MAML3: variants seen among roughly 807,000 people sequenced by gnomAD.
The protein encoded by MAML3 is mastermind-like protein 3.
A neutral mutation model predicts 101.9 loss-of-function variants in MAML3; 27 were observed. That is an observed-to-expected ratio of 0.27 (90% CI 0.20 to 0.37). The LOEUF is 0.37. MAML3 is among the 10% of genes least tolerant of loss of function. The pLI is 1.00. For missense variants in MAML3, 1,316 were observed against 1,444.9 expected, an observed-to-expected ratio of 0.91 and a Z score of 1.45; for synonymous variants, 501 against 555.9, an observed-to-expected ratio of 0.90 and a Z score of 1.39.
Position 140,027,247 on chromosome 4 carries a change from C to T in MAML3, c.468+125613G>A, listed in dbSNP as rs190977128. Among the ~76,000 whole-genome samples, 872 of 152,318 alleles carry T rather than the reference C, an allele frequency of 5.7e-3. 4 individuals are homozygous for T. Among genetic ancestry groups the T allele is most frequent in the Non-Finnish European group, 8.7e-3 (593 of 68,028 alleles). On this transcript the variant is annotated intron_variant, in intron 1 of 4. Coordinates refer to ENST00000509479, the MANE Select transcript of MAML3 (RefSeq NM_018717.5). The stretch of plus-strand genomic sequence containing the variant: ...AGTTACTTCTCTGGGATGTTTCTTG[C>T]TCCAGTTGTTTTCCTCATGGTGTAA...
At chr4:139,994,655 G>A (rs1322233306) in intron 1 of MAML3, among the ~76,000 whole-genome samples, 1 of 152,172 alleles carries the variant, frequency 6.6e-6, no homozygotes, top group East Asian at 1.9e-4. Context: ...GAGACACCCA[G>A]TCTCTAAATT....
chr4:139,721,133 A>G (rs922271153), intron 4 of MAML3, among the ~76,000 whole-genome samples: 2 of 152,212 alleles, frequency 1.3e-5, no homozygotes, highest in African/African-American at 4.8e-5. Context: ...ATTCCTTCAA[A>G]TCGGCAACGA....
At chr4:140,034,208 C>A (rs982275026) in intron 1 of MAML3, among the ~76,000 whole-genome samples, 5 of 152,164 alleles carry the variant, frequency 3.3e-5, no homozygotes, top group Non-Finnish European at 7.3e-5. Context: ...TTATAGCTTA[C>A]AAAGTAGCCT....
intron 1 of MAML3, among the ~76,000 whole-genome samples, chr4:140,118,661 A>G (rs1728553941): frequency 6.6e-6 from 1 of 152,312 alleles, no homozygotes; most frequent in South Asian, 2.1e-4. Flanking sequence ...CCTGGGCAAC[A>G]TGGTGAGATC....
chr4:139,792,748 C>CA (rs762115817), intron 2 of MAML3, among the ~76,000 whole-genome samples: 1 of 142,604 alleles, frequency 7.0e-6, no homozygotes, highest in Non-Finnish European at 1.5e-5. Context: ...TTCTTTCTTT[C>CA]TTTTTTTTTT....
intron 1 of MAML3, among the ~76,000 whole-genome samples, chr4:139,946,923 ACACT>A (rs1440307839): frequency 3.9e-3 from 243 of 62,200 alleles, no homozygotes; most frequent in African/African-American, 0.014. Context: ...ACACACACAC[ACACT>A]CTCTCTCTCT....
At chr4:139,766,616 T>C (rs955024564) in intron 2 of MAML3, among the ~76,000 whole-genome samples, 2 of 152,190 alleles carry the variant, frequency 1.3e-5, no homozygotes, top group African/African-American at 4.8e-5. Context: ...CCCAGCTGCT[T>C]TCTCTGGAGT....
intron 1 of MAML3, among the ~76,000 whole-genome samples, chr4:140,052,609 A>G (rs902201783): frequency 6.7e-6 from 1 of 148,230 alleles, no homozygotes; most frequent in African/African-American, 2.5e-5. Context: ...ATCTTGGCTC[A>G]CTATAACCTC....
chr4:139,907,702 G>C (rs972176056), intron 1 of MAML3, among the ~76,000 whole-genome samples: 2 of 152,180 alleles, frequency 1.3e-5, no homozygotes, highest in African/African-American at 4.8e-5. Flanking sequence ...GTAGGCTGTT[G>C]CATGTTTTAA....
rs764275590 is a variant in MAML3 at position 139,720,099 on chromosome 4, T to A, written c.2641A>T (p.Met881Leu). 1.9e-6 allele frequency: 3 copies of A among 1,614,082 alleles called. No individual in the cohort carries two copies. The highest frequency in any genetic ancestry group is 4.5e-5 in the East Asian group (2 of 44,884). ...CCACTTTGGTTTGGATGCTGCAACA[T>A]TTGGGTCATGCCTGTGCTCATATTG... ...MYNMSTGMTQ[M>L]LQHPNQSGMS... The change falls in exon 5 of 5, where the codon ATG (methionine) becomes TTG (leucine). Residue 881 changes from methionine to leucine, a missense_variant. Coordinates refer to ENST00000509479, the MANE Select transcript of MAML3 (RefSeq NM_018717.5).
At chr4:139,780,547 G>C (rs539170049) in intron 2 of MAML3, among the ~76,000 whole-genome samples, 1 of 151,764 alleles carries the variant, frequency 6.6e-6, no homozygotes, top group African/African-American at 2.4e-5. Context: ...TGTTTCTCCT[G>C]AGTAATCCTT....
chr4:139,881,621 T>G (rs1560823018), intron 2 of MAML3, among the ~76,000 whole-genome samples: 1 of 152,190 alleles, frequency 6.6e-6, no homozygotes, highest in Non-Finnish European at 1.5e-5. Context: ...AAAGCTTCTT[T>G]TATGAAAGAA....
rs114107766 is a variant in MAML3, at chr4:140,007,588, T to C, written c.469-116621A>G. 2.5e-3 allele frequency among the ~76,000 whole-genome samples: 385 copies of C among 152,352 alleles called. 3 individuals are homozygous for C. Among genetic ancestry groups the C allele is most frequent in the African/African-American group, 8.7e-3 (362 of 41,582 alleles). On this transcript the variant is annotated intron_variant, in intron 1 of 4. Transcript: ENST00000509479. ...AAAAGGTTTCTGTATCTGTTTCTTT[T>C]ACCTTCTCACCCATTTGGAACAAAA... is the stretch of plus-strand genomic sequence containing the variant.
chr4:139,963,677 G>A (rs1578619323), intron 1 of MAML3, among the ~76,000 whole-genome samples: 1 of 152,124 alleles, frequency 6.6e-6, no homozygotes, highest in Admixed American at 6.5e-5. Flanking sequence ...TGTTCAAAGT[G>A]CCCCAGCCAT....
chr4:140,106,555 T>C (rs1160760472), intron 1 of MAML3, among the ~76,000 whole-genome samples: 1 of 152,216 alleles, frequency 6.6e-6, no homozygotes, highest in Non-Finnish European at 1.5e-5. Context: ...CTTTCTTATT[T>C]AAAAAAATCA....
chr4:139,993,951 A>G (rs1734753483), intron 1 of MAML3, among the ~76,000 whole-genome samples: 1 of 152,188 alleles, frequency 6.6e-6, no homozygotes, highest in Non-Finnish European at 1.5e-5. Context: ...ATTTTCTTCT[A>G]TGATTTTAGA....
intron 1 of MAML3, among the ~76,000 whole-genome samples, chr4:140,104,755 G>A (rs995165145): frequency 2.0e-5 from 3 of 151,834 alleles, no homozygotes; most frequent in Non-Finnish European, 4.4e-5. Flanking sequence ...GCCTTCCAAA[G>A]TGCTGGGATT....
At chr4:139,937,735 C>T (rs1733534546) in intron 1 of MAML3, among the ~76,000 whole-genome samples, 1 of 152,168 alleles carries the variant, frequency 6.6e-6, no homozygotes, top group South Asian at 2.1e-4. Context: ...AATGCAGAAA[C>T]TCCACTTTTG....
chr4:140,073,339 T>G (rs1727697362), intron 1 of MAML3, among the ~76,000 whole-genome samples: 2 of 152,078 alleles, frequency 1.3e-5, no homozygotes, highest in South Asian at 4.1e-4. Context: ...GGTTTCACCA[T>G]GTCGGCCAGG....
Sources: allele counts gnomAD v4.1 joint callset (sites outside exome capture counted in the v4.1 genomes callset), GRCh38; gene constraint gnomAD v4.1.1; transcripts MANE v1.5; gene names NCBI Gene and HGNC (gene_info 2026-07-23, HGNC 2026-07-21).